NRG1: variants seen among roughly 807,000 people sequenced by gnomAD.
NRG1 encodes neuregulin 1.
A neutral mutation model predicts 63.8 loss-of-function variants in NRG1; 18 were observed. That is an observed-to-expected ratio of 0.28 (90% CI 0.19 to 0.42). NRG1 has a LOEUF of 0.42. Ranked by LOEUF, NRG1 falls within the 10% of genes least tolerant of loss-of-function variation. NRG1 has a pLI of 1.00. For missense variants in NRG1, 762 were observed against 814.7 expected (o/e 0.94, Z 0.79); for synonymous variants, 302 against 301.3 (o/e 1.00, Z -0.02).
intron 1 of NRG1, among the ~76,000 whole-genome samples, chr8:31,643,644 T>G (rs62506865): frequency 0.22 from 34,104 of 152,234 alleles, 4,915 homozygotes; most frequent in East Asian, 0.58. Context: ...TTTACAGTTA[T>G]TTAAAGTGTT....
Position 32,186,209 on chromosome 8 carries a change from A to T in NRG1, c.38-409619A>T, listed in dbSNP as rs1339508570. Among the ~76,000 whole-genome samples, 9 of 152,182 alleles carry T rather than the reference A, an allele frequency of 5.9e-5. 1 individual carries two copies. Among genetic ancestry groups the T allele is most frequent in the Non-Finnish European group, 7.3e-5 (5 of 68,034 alleles). ...GCCGTGTGCGGTGGCTCACGCCTGT[A>T]ATCCCAACACTTTGGGAGGCTGAGG... On this transcript the variant is annotated intron_variant, in intron 1 of 10. Transcript: ENST00000519301.
At chr8:31,692,435 T>C (rs2131136891) in intron 1 of NRG1, among the ~76,000 whole-genome samples, 1 of 152,356 alleles carries the variant, frequency 6.6e-6, no homozygotes, top group South Asian at 2.1e-4. Flanking sequence ...CTTAAGAACT[T>C]TATATTCTAG....
intron 6 of NRG1, among the ~76,000 whole-genome samples, chr8:32,740,517 C>A (rs1031316741): frequency 2.0e-5 from 3 of 152,052 alleles, no homozygotes; most frequent in Non-Finnish European, 4.4e-5. Context: ...TTCTTATTGA[C>A]ATGTTTCTCA....
chr8:32,723,718 A>AAAG (rs1821302296), intron 5 of NRG1, among the ~76,000 whole-genome samples: 1 of 95,520 alleles, frequency 1.0e-5, no homozygotes, highest in South Asian at 3.4e-4. Flanking sequence ...AAAAAAAAAA[A>AAAG]CAATTGTGGA....
Position 32,607,701 on chromosome 8 carries a change from A to G in NRG1, c.400+2018A>G, listed in dbSNP as rs371242572. Among the ~76,000 whole-genome samples, 5 of 152,274 alleles carry G rather than the reference A, an allele frequency of 3.3e-5. No individual in the cohort carries two copies. The South Asian group carries it at 1.0e-3, about 32-fold the overall frequency. On this transcript the variant is annotated intron_variant, in intron 3 of 11. Transcript: ENST00000356819. ...CACTGAAGTCTTGGTCTAGTGATCA[A>G]ATTTGAATATGTAGTGTTGACCAAT...
intron 7 of NRG1, among the ~76,000 whole-genome samples, chr8:32,751,826 T>G (rs1043640376): frequency 1.3e-5 from 2 of 152,196 alleles, no homozygotes; most frequent in Non-Finnish European, 2.9e-5. Context: ...CCCGTCATCA[T>G]GCACCATATG....
chr8:32,498,648 C>A (rs1049616711), intron 1 of NRG1, among the ~76,000 whole-genome samples: 1 of 152,152 alleles, frequency 6.6e-6, no homozygotes, highest in Non-Finnish European at 1.5e-5. Context: ...ATGGGGACTA[C>A]AATTCAAGAT....
exon 12 of NRG1, chr8:32,764,037 G>A: frequency 6.2e-7 from 1 of 1,614,092 alleles, no homozygotes; most frequent in Non-Finnish European, 8.5e-7. Context: ...CTTGAGGATA[G>A]TGGAGGATGA....
At chr8:32,133,044 C>T (rs2081841464) in intron 1 of NRG1, among the ~76,000 whole-genome samples, 1 of 151,672 alleles carries the variant, frequency 6.6e-6, no homozygotes, top group Non-Finnish European at 1.5e-5. Context: ...TATGAAGAGA[C>T]TGTTCTAAAA....
At chr8:32,363,477 T>G (rs1039934901) in intron 1 of NRG1, among the ~76,000 whole-genome samples, 7 of 152,070 alleles carry the variant, frequency 4.6e-5, no homozygotes, top group African/African-American at 1.7e-4. Context: ...CTAACGGGAG[T>G]ATGATGTCAC....
At chr8:32,317,809 T>G (rs985680443) in intron 1 of NRG1, among the ~76,000 whole-genome samples, 3 of 152,206 alleles carry the variant, frequency 2.0e-5, no homozygotes, top group African/African-American at 7.2e-5. Context: ...GTTATATAGC[T>G]GGGCAGAGTG....
At chr8:32,760,261 T>G (rs757126296) in exon 11 of NRG1, 56 of 1,613,962 alleles carry the variant, frequency 3.5e-5, no homozygotes, top group Admixed American at 1.5e-4. Flanking sequence ...CGTGATGTCA[T>G]CCGTAGAAAA....
intron 1 of NRG1, among the ~76,000 whole-genome samples, chr8:32,493,059 C>A (rs1050814402): frequency 3.3e-5 from 5 of 152,096 alleles, no homozygotes; most frequent in Admixed American, 2.6e-4. Flanking sequence ...TAAAAACAAA[C>A]CCTACTGCCA....
chr8:31,714,841 A>T (rs933591484), intron 1 of NRG1, among the ~76,000 whole-genome samples: 1 of 152,126 alleles, frequency 6.6e-6, no homozygotes, highest in East Asian at 1.9e-4. Context: ...ATTTGTGATG[A>T]CCCTTGAAGA....
intron 1 of NRG1, among the ~76,000 whole-genome samples, chr8:32,262,855 T>A (rs74892397): frequency 0.1 from 15,858 of 152,184 alleles, 865 homozygotes; most frequent in African/African-American, 0.12. Context: ...AATAGGTTGG[T>A]CAAATCCTGC....
intron 3 of NRG1, among the ~76,000 whole-genome samples, chr8:32,609,377 T>C (rs1488500083): frequency 3.9e-5 from 6 of 152,120 alleles, no homozygotes; most frequent in Non-Finnish European, 8.8e-5. Context: ...GTCTCATTCC[T>C]GTCTCCCTAG....
At chr8:32,359,365 ATT>A (rs1293261191) in intron 1 of NRG1, among the ~76,000 whole-genome samples, 2 of 152,180 alleles carry the variant, frequency 1.3e-5, no homozygotes, top group African/African-American at 4.8e-5. Flanking sequence ...GTATATATGT[ATT>A]TTTTTATTTT....
intron 3 of NRG1, among the ~76,000 whole-genome samples, chr8:32,606,251 T>C (rs1845262807): frequency 4.0e-5 from 6 of 151,380 alleles, no homozygotes; most frequent in African/African-American, 1.5e-4. Context: ...CAGAATACAG[T>C]CCTGACTCAA....
At chr8:32,178,709 T>C (rs773197593) in intron 1 of NRG1, among the ~76,000 whole-genome samples, 2 of 152,110 alleles carry the variant, frequency 1.3e-5, no homozygotes, top group African/African-American at 4.8e-5. Flanking sequence ...CTGCTGTACT[T>C]TAGGCAAATT....
Sources: allele counts gnomAD v4.1 joint callset (sites outside exome capture counted in the v4.1 genomes callset), GRCh38; gene constraint gnomAD v4.1.1; transcripts MANE v1.5; gene names NCBI Gene and HGNC (gene_info 2026-07-23, HGNC 2026-07-21).